ABHD17C: variants seen among roughly 807,000 people sequenced by gnomAD.
ABHD17C encodes alpha/beta hydrolase domain-containing protein 17C.
A neutral mutation model predicts 27.9 loss-of-function variants in ABHD17C; 11 were observed. The ratio of observed to expected loss-of-function variants is 0.39; its 90% confidence interval spans 0.25 to 0.65. ABHD17C has a LOEUF of 0.65. ABHD17C is among the 30% of genes least tolerant of loss of function. The pLI is 0.45. For missense variants in ABHD17C, 280 were observed against 470.2 expected (o/e 0.60, Z 3.74); for synonymous variants, 233 against 209.1 (o/e 1.11, Z -0.98).
chr15:80,739,289 C>T (rs1596071697), intron 1 of ABHD17C, among the ~76,000 whole-genome samples: 1 of 152,206 alleles, frequency 6.6e-6, no homozygotes, highest in East Asian at 1.9e-4. Context: ...TCCTGACTGC[C>T]AGGTTCCACA....
intron 1 of ABHD17C, among the ~76,000 whole-genome samples, chr15:80,717,282 A>G (rs1894817354): frequency 7.0e-6 from 1 of 142,548 alleles, no homozygotes; most frequent in South Asian, 2.2e-4. Context: ...GAGTTTTGGC[A>G]TAGCTAATAC....
rs368467606 is a variant in ABHD17C, at chr15:80,750,876, A to G, written c.770+1184A>G. Among the ~76,000 whole-genome samples the G allele has an allele frequency of 1.7e-3, 256 of 152,188 alleles. 1 individual carries two copies. Among genetic ancestry groups the G allele is most frequent in the Middle Eastern group, 0.01 (3 of 294 alleles). ...GGGAGTTACCCTGGCAACAAAACTA[A>G]TAGTTTTTTTTTTTTCCTGGCTCTT... On this transcript the variant is annotated intron_variant, in intron 2 of 2. Transcript: ENST00000258884.
At chr15:80,740,818 A>G (rs1895199082) in intron 1 of ABHD17C, among the ~76,000 whole-genome samples, 1 of 152,134 alleles carries the variant, frequency 6.6e-6, no homozygotes, top group Non-Finnish European at 1.5e-5. Context: ...ATGACACTCT[A>G]CCTTGAGACT....
At chr15:80,706,512 T>G (rs562866581) in intron 1 of ABHD17C, among the ~76,000 whole-genome samples, 1 of 152,352 alleles carries the variant, frequency 6.6e-6, no homozygotes, top group South Asian at 2.1e-4. Flanking sequence ...TTTACATGTT[T>G]TAATGGTTAC....
chr15:80,703,191 G>A (rs920066479), intron 1 of ABHD17C: 2 of 152,234 alleles, frequency 1.3e-5, no homozygotes, highest in Admixed American at 1.3e-4. Flanking sequence ...AGCGAAGGAG[G>A]GGAGAGAGGC....
intron 1 of ABHD17C, among the ~76,000 whole-genome samples, chr15:80,698,881 C>G (rs182932152): frequency 2.6e-4 from 40 of 152,354 alleles, no homozygotes; most frequent in African/African-American, 9.6e-4. Flanking sequence ...TAACCACACT[C>G]CCCAGGACAC....
chr15:80,755,612 T>C lies in ABHD17C; in HGVS notation c.*1242T>C, dbSNP rs1895422308. Reference sequence around the variant, plus strand: ...GGTTGGTAATGGAATAAAGGATGCATGGATCAGAATGTGTGGGCTTGTGCA... The same window carrying C: ...GGTTGGTAATGGAATAAAGGATGCACGGATCAGAATGTGTGGGCTTGTGCA... On this transcript the variant is annotated 3_prime_UTR_variant, in exon 3 of 3. Transcript: ENST00000258884. The C allele has an allele frequency of 6.6e-6, 1 of 152,214 alleles. No individual in the cohort carries two copies. The allele number at this position is 152,214 out of a possible 1,614,324, so 9.4% of individuals were successfully genotyped here. A position where few individuals can be genotyped will look rare whatever the true frequency, so the allele number is the denominator to read the frequency against.
intron 2 of ABHD17C, among the ~76,000 whole-genome samples, chr15:80,750,519 C>T (rs771984538): frequency 1.2e-4 from 18 of 152,088 alleles, no homozygotes; most frequent in Non-Finnish European, 2.5e-4. Context: ...TTTTGATTGA[C>T]CCATTAATTG....
chr15:80,705,330 G>A (rs1014774379), intron 1 of ABHD17C, among the ~76,000 whole-genome samples: 4 of 6,166 alleles, frequency 6.5e-4, no homozygotes, highest in Non-Finnish European at 1.7e-3. Context: ...AGCTTCCTAT[G>A]ATTTGTGTGT....
intron 1 of ABHD17C, among the ~76,000 whole-genome samples, chr15:80,726,344 A>G (rs1894974824): frequency 6.6e-6 from 1 of 152,084 alleles, no homozygotes; most frequent in Admixed American, 6.5e-5. Flanking sequence ...TTTTGGGGCC[A>G]GTTTATGGCC....
chr15:80,736,742 G>C (rs975192865), intron 1 of ABHD17C, among the ~76,000 whole-genome samples: 4 of 152,158 alleles, frequency 2.6e-5, no homozygotes, highest in Non-Finnish European at 5.9e-5. Flanking sequence ...CTTCTCTGAA[G>C]ATAAATGGGA....
At chr15:80,718,817 A>G (rs8031988) in intron 1 of ABHD17C, among the ~76,000 whole-genome samples, 30,754 of 152,100 alleles carry the variant, frequency 0.2, 4,304 homozygotes, top group African/African-American at 0.4. Context: ...AGCTGAAGAG[A>G]CACGGTTGAT....
At chr15:80,732,332 C>T (rs923257274) in intron 1 of ABHD17C, among the ~76,000 whole-genome samples, 1 of 152,208 alleles carries the variant, frequency 6.6e-6, no homozygotes, top group African/African-American at 2.4e-5. Flanking sequence ...ATTCACTGAG[C>T]TCACCGTGCT....
chr15:80,698,156 C>T (rs553363559), intron 1 of ABHD17C, among the ~76,000 whole-genome samples: 1 of 151,378 alleles, frequency 6.6e-6, no homozygotes, highest in African/African-American at 2.4e-5. Flanking sequence ...GCTCCACCTC[C>T]CGGGTTCACG....
intron 1 of ABHD17C, among the ~76,000 whole-genome samples, chr15:80,726,566 C>T (rs1270607890): frequency 2.7e-5 from 3 of 113,048 alleles, no homozygotes; most frequent in Admixed American, 1.2e-4. Context: ...GGCTGGAGGG[C>T]GGTGGCGAGA....
intron 1 of ABHD17C, among the ~76,000 whole-genome samples, chr15:80,746,242 CT>C (rs924979486): frequency 1.7e-4 from 26 of 151,992 alleles, no homozygotes; most frequent in Non-Finnish European, 1.5e-5. Context: ...TCCCTCCCCT[CT>C]TTTTTTCTTA....
At chr15:80,730,250 A>G (rs1472517528) in intron 1 of ABHD17C, among the ~76,000 whole-genome samples, 1 of 152,186 alleles carries the variant, frequency 6.6e-6, no homozygotes, top group Admixed American at 6.5e-5. Flanking sequence ...TTTCCTTTGA[A>G]CATCTTAACC....
chr15:80,739,985 G>A (rs559332431), intron 1 of ABHD17C, among the ~76,000 whole-genome samples: 16 of 152,256 alleles, frequency 1.1e-4, no homozygotes, highest in East Asian at 7.7e-4. Context: ...CTAGCTCCCC[G>A]TCTGACTTCC....
chr15:80,701,533 G>A (rs1555421644), intron 1 of ABHD17C, among the ~76,000 whole-genome samples: 1 of 151,946 alleles, frequency 6.6e-6, no homozygotes, highest in Non-Finnish European at 1.5e-5. Flanking sequence ...ACACAAATTA[G>A]CTGGTCGTGG....
Sources: allele counts gnomAD v4.1 joint callset (sites outside exome capture counted in the v4.1 genomes callset), GRCh38; gene constraint gnomAD v4.1.1; transcripts MANE v1.5; gene names NCBI Gene and HGNC (gene_info 2026-07-23, HGNC 2026-07-21).